IKBKB: variants seen among roughly 807,000 people sequenced by gnomAD.
The protein encoded by IKBKB is inhibitor of nuclear factor kappa B kinase subunit beta.
A neutral mutation model predicts 113.6 loss-of-function variants in IKBKB; 42 were observed. The observed-to-expected ratio is 0.37, with a 90% CI of 0.29 to 0.48. The LOEUF is 0.48. IKBKB is among the 20% of genes least tolerant of loss of function. The probability of loss-of-function intolerance (pLI) is 0.99; values close to 1 mark genes in which losing one functional copy is unlikely to be tolerated. For missense variants in IKBKB, 673 were observed against 939.7 expected (o/e 0.72, Z 3.71); for synonymous variants, 296 against 361.3 (o/e 0.82, Z 2.05).
chr8:42,324,421 C>T (rs1820339636), intron 19 of IKBKB, among the ~76,000 whole-genome samples: 1 of 152,148 alleles, frequency 6.6e-6, no homozygotes, highest in Admixed American at 6.5e-5. Flanking sequence ...CATGCCCCCA[C>T]ACCTGGCTAA....
intron 21 of IKBKB, 111 bp downstream of exon 21, chr8:42,329,325 G>A: frequency 7.2e-7 from 1 of 1,379,688 alleles, no homozygotes; most frequent in African/African-American, 1.5e-5. Flanking sequence ...GTGTTTGTTT[G>A]TTTGCTTGTT....
chr8:42,303,195 G>A (rs1412956486), intron 5 of IKBKB, among the ~76,000 whole-genome samples: 2 of 152,070 alleles, frequency 1.3e-5, no homozygotes, highest in Non-Finnish European at 2.9e-5. Flanking sequence ...TGGTGGTGGC[G>A]GCGACGGCAT....
rs552594441 is a variant in IKBKB at position 42,330,186 on chromosome 8, G to A, written c.2206-728G>A. ...GGAGTGAGTGCTGTGAGCCACAGTGGTACTGACGTCGACTTTCTAATTCCC... is the reference window on the plus strand; with the variant it reads ...GGAGTGAGTGCTGTGAGCCACAGTGATACTGACGTCGACTTTCTAATTCCC... On this transcript the variant is annotated intron_variant, in intron 21 of 21. Coordinates refer to ENST00000520810, the MANE Select transcript of IKBKB (RefSeq NM_001556.3). 6 of 985,366 alleles carry A rather than the reference G, an allele frequency of 6.1e-6. No individual in the cohort carries two copies. The South Asian group carries it at 1.9e-4, about 31-fold the overall frequency. The allele number at this position is 985,366 out of a possible 1,614,324, so 61.0% of individuals were successfully genotyped here. A position where few individuals can be genotyped will look rare whatever the true frequency, so the allele number is the denominator to read the frequency against.
chr8:42,329,229 G>C lies in IKBKB; in HGVS notation c.2205+15G>C, dbSNP rs1010406307. On this transcript the variant is annotated intron_variant, in intron 21 of 21. Transcript: ENST00000520810. The stretch of plus-strand genomic sequence containing the variant: ...AGAGTTTCACGGTAACAGCTTGTGT[G>C]AGACTCCTGCGATTCCATGTCCTTT... 8 of 1,548,988 alleles carry C rather than the reference G, an allele frequency of 5.2e-6. No homozygotes were observed. Among genetic ancestry groups the C allele is most frequent in the Admixed American group, 4.5e-5 (2 of 43,980 alleles).
intron 8 of IKBKB, 52 bp downstream of exon 8, chr8:42,309,077 C>G (rs1196593596): frequency 6.3e-7 from 1 of 1,576,244 alleles, no homozygotes; most frequent in East Asian, 2.2e-5. Context: ...CTGTTCCTTT[C>G]TCTTCACGTA....
chr8:42,282,690 C>G (rs1295384765), intron 2 of IKBKB, among the ~76,000 whole-genome samples: 1 of 152,214 alleles, frequency 6.6e-6, no homozygotes, highest in Non-Finnish European at 1.5e-5. Context: ...TAGTGAAGAA[C>G]AAACTCCCTG....
intron 20 of IKBKB, among the ~76,000 whole-genome samples, chr8:42,328,167 G>A (rs1428197364): frequency 6.8e-6 from 1 of 147,054 alleles, no homozygotes; most frequent in Non-Finnish European, 1.5e-5. Flanking sequence ...GGCTGATCTC[G>A]AACTCCCGAC....
At chr8:42,305,310 TG>T in intron 6 of IKBKB, 35 bp downstream of exon 6, 1 of 1,403,006 alleles carries the variant, frequency 7.1e-7, no homozygotes, top group Non-Finnish European at 1.0e-6. Context: ...AAGCCTCAGG[TG>T]GGCGTGCCGG....
chr8:42,297,070 T>C (rs982203689), intron 5 of IKBKB, among the ~76,000 whole-genome samples: 26 of 152,192 alleles, frequency 1.7e-4, no homozygotes, highest in African/African-American at 5.8e-4. Flanking sequence ...GGTGGGTGCC[T>C]TCTGAGACTC....
intron 8 of IKBKB, chr8:42,314,087 C>G (rs1200905293): frequency 3.9e-6 from 2 of 509,314 alleles, no homozygotes; most frequent in East Asian, 3.4e-5. Flanking sequence ...TTAGATACAC[C>G]AATACTTACC....
chr8:42,275,316 T>C (rs537243001), intron 2 of IKBKB, among the ~76,000 whole-genome samples: 2 of 152,098 alleles, frequency 1.3e-5, no homozygotes, highest in South Asian at 4.2e-4. Context: ...GCCTCCTGAG[T>C]AGCTGGGACT....
chr8:42,312,812 G>A (rs948258983), intron 8 of IKBKB, among the ~76,000 whole-genome samples: 2 of 152,158 alleles, frequency 1.3e-5, no homozygotes, highest in Non-Finnish European at 2.9e-5. Flanking sequence ...CCGATAGGCC[G>A]GTTCACCACT....
In IKBKB at chr8:42,288,748, G is replaced by A; in HGVS notation, c.200+20G>A. 1 of 1,579,016 alleles carries A rather than the reference G, an allele frequency of 6.3e-7. No homozygotes were observed. The highest frequency in any genetic ancestry group is 8.7e-7 in the Non-Finnish European group (1 of 1,155,756). Reference sequence around the variant, plus strand: ...GAGAAGGTGAGGGCCTCGCGCATAGGGACCCAAGGGAAAGCTGGAGCAGCA... The same window carrying A: ...GAGAAGGTGAGGGCCTCGCGCATAGAGACCCAAGGGAAAGCTGGAGCAGCA... On this transcript the variant is annotated intron_variant, in intron 3 of 21. Coordinates refer to ENST00000520810, the MANE Select transcript of IKBKB (RefSeq NM_001556.3).
At position 42,316,825 on chromosome 8, in the gene IKBKB, A is replaced by G; in HGVS notation, c.1046A>G (p.Glu349Gly). 6.2e-7 allele frequency: 1 copy of G among 1,614,176 alleles called. No individual in the cohort carries two copies. Among genetic ancestry groups the G allele is most frequent in the South Asian group, 1.1e-5 (1 of 91,086 alleles). ...RIQQDTGIPEEDQELLQEAGL... is the reference protein window; with the variant it reads ...RIQQDTGIPEGDQELLQEAGL... ...CAACAGGACACGGGCATCCCAGAGG[A>G]GGACCAGGAGCTGCTGCAGGAAGCG... The change falls in exon 11 of 22, where the codon GAG (glutamate) becomes GGG (glycine). Residue 349 changes from glutamate to glycine, a missense_variant. Glu to Gly is a moderately conservative substitution (Grantham distance 98). Around this residue, in one of 2 missense-constraint regions of IKBKB, gnomAD observed 506 missense variants for 638.7 expected, o/e 0.79. Transcript: ENST00000520810. The surrounding 1 kb of genome is among the most constrained non-coding windows in gnomAD (Gnocchi z 4.5).
chr8:42,309,683 A>G (rs1430792861), intron 8 of IKBKB: 3 of 167,730 alleles, frequency 1.8e-5, no homozygotes, highest in Non-Finnish European at 3.9e-5. Flanking sequence ...CAGGAGGCAG[A>G]GGTCGCATCA....
intron 5 of IKBKB, among the ~76,000 whole-genome samples, chr8:42,295,678 A>G (rs563433875): frequency 6.6e-6 from 1 of 152,082 alleles, no homozygotes; most frequent in Middle Eastern, 3.4e-3. Flanking sequence ...GTAAGCCGAG[A>G]TTGCACCATT....
rs1820558327 is a variant in IKBKB at position 42,325,444 on chromosome 8, A to C, written c.1987-526A>C. 3 of 961,424 alleles carry C rather than the reference A, an allele frequency of 3.1e-6. No homozygotes were observed. In the South Asian group the frequency reaches 1.4e-4, roughly 46 times the overall value. 59.6% of individuals were successfully genotyped at this position (961,424 alleles called of 1,614,324 possible). A position where few individuals can be genotyped will look rare whatever the true frequency, so the allele number is the denominator to read the frequency against. On this transcript the variant is annotated intron_variant, in intron 19 of 21. Transcript: ENST00000520810. ...GGATCATGAATCCCAGAACTTTGGG[A>C]GGCTGAGGCAGATCACCTGAGGTCA...
Position 42,316,916 on chromosome 8 carries a change from C to T in IKBKB, c.1125+12C>T. On this transcript the variant is annotated intron_variant, in intron 11 of 21. Coordinates refer to ENST00000520810, the MANE Select transcript of IKBKB (RefSeq NM_001556.3). The surrounding 1 kb of genome is among the most constrained non-coding windows in gnomAD (Gnocchi z 4.5). ...TTTCAGACGGCAAGGTGAGCCCTGG[C>T]TTCGTACACACCATCCTGTTTACCT... The T allele has an allele frequency of 6.2e-7, 1 of 1,612,302 alleles. No individual in the cohort carries two copies. The highest frequency in any genetic ancestry group is 8.5e-7 in the Non-Finnish European group (1 of 1,178,772).
intron 5 of IKBKB, chr8:42,298,482 C>T: frequency 1.0e-6 from 1 of 985,320 alleles, no homozygotes; most frequent in Non-Finnish European, 1.2e-6. Context: ...CCAGGAACTG[C>T]ACATCAGGTG....
Sources: gnomAD v4.1 joint callset for allele counts (sites outside exome capture counted in the v4.1 genomes callset) on GRCh38, gnomAD v4.1.1 for gene constraint, gnomAD v4.1.1 regional missense constraint, Gnocchi (gnomAD v3.1) non-coding constraint, MANE v1.5 for transcripts, NCBI Gene and HGNC (gene_info 2026-07-23, HGNC 2026-07-21) for gene names.